Variants in CDH13 observed in about 807,000 individuals in gnomAD.
CDH13 encodes the protein cadherin-13.
Under a neutral mutation model 63.8 loss-of-function variants are expected in CDH13, and 24 were observed. The ratio of observed to expected loss-of-function variants is 0.38; its 90% CI spans 0.27 to 0.53. CDH13 has a LOEUF of 0.53. Ranked by LOEUF, CDH13 falls within the 20% of genes least tolerant of loss-of-function variation. The pLI, the probability that CDH13 is intolerant of heterozygous loss-of-function variation, is 0.85. For synonymous variants in CDH13, 503 were observed against 355.3 expected, an observed-to-expected ratio of 1.42 and a Z score of -4.67; for missense variants, 1,049 against 903.1, an observed-to-expected ratio of 1.16 and a Z score of -2.07.
intron 2 of CDH13, among the ~76,000 whole-genome samples, chr16:82,915,091 G>A (rs1597205441): frequency 6.6e-6 from 1 of 152,220 alleles, no homozygotes. Flanking sequence ...GTGATGAAAT[G>A]TAACCCTGAG....
chr16:82,858,460 G>C lies in CDH13; in HGVS notation c.144G>C (p.Gln48His), dbSNP rs749712663. Residue 48 changes from glutamine (Q) to histidine (H), a missense_variant, in exon 2 of 14, where the codon CAG becomes CAC. By Grantham distance (24) the Gln-to-His change is conservative (BLOSUM62 0). Coordinates refer to ENST00000567109, the MANE Select transcript of CDH13 (RefSeq NM_001257.5). Reference protein sequence around the residue: ...INQPAEFIEDQSILNLTFSDC... With the variant: ...INQPAEFIEDHSILNLTFSDC... ...AGCCAGCTGAATTCATTGAGGACCA[G>C]TCAATTCTAAACTGTAAGCAATGTC... 1 of 1,603,594 alleles carries C rather than the reference G, an allele frequency of 6.2e-7. No homozygotes were observed. The highest frequency in any genetic ancestry group is 1.1e-5 in the South Asian group (1 of 90,834).
At chr16:83,245,101 C>CT (rs1904857478) in intron 5 of CDH13, among the ~76,000 whole-genome samples, 1 of 144,636 alleles carries the variant, frequency 6.9e-6, no homozygotes, top group Admixed American at 6.8e-5. Flanking sequence ...TATGTTGGCT[C>CT]TTTTCTGGAT....
chr16:82,883,132 A>G (rs967641703), intron 2 of CDH13, among the ~76,000 whole-genome samples: 2 of 152,204 alleles, frequency 1.3e-5, no homozygotes, highest in African/African-American at 4.8e-5. Context: ...TAAATTCAGA[A>G]AGCATAAGAG....
intron 8 of CDH13, among the ~76,000 whole-genome samples, chr16:83,663,470 A>G (rs761047454): frequency 7.2e-5 from 11 of 152,214 alleles, no homozygotes; most frequent in African/African-American, 9.6e-5. Context: ...ACTGGTTACT[A>G]TTCTCATTGG....
intron 2 of CDH13, among the ~76,000 whole-genome samples, chr16:82,907,708 T>G (rs1272797622): frequency 6.6e-6 from 1 of 152,190 alleles, no homozygotes; most frequent in Non-Finnish European, 1.5e-5. Flanking sequence ...ACAGCCACTT[T>G]TGAGTCAAGT....
At chr16:83,600,344 C>A (rs1292759440) in intron 7 of CDH13, among the ~76,000 whole-genome samples, 1 of 152,178 alleles carries the variant, frequency 6.6e-6, no homozygotes, top group Non-Finnish European at 1.5e-5. Context: ...CCACTCATCA[C>A]CGTGAATTGA....
At chr16:83,579,456 A>G (rs1264817114) in intron 7 of CDH13, among the ~76,000 whole-genome samples, 1 of 152,110 alleles carries the variant, frequency 6.6e-6, no homozygotes, top group East Asian at 1.9e-4. Context: ...TATGTCTTAC[A>G]TTGCTGGAGA....
intron 2 of CDH13, among the ~76,000 whole-genome samples, chr16:82,976,558 G>T (rs2151378975): frequency 6.6e-6 from 1 of 152,236 alleles, no homozygotes; most frequent in Non-Finnish European, 1.5e-5. Flanking sequence ...ATGTGCATTA[G>T]ATAAATTATG....
Position 82,789,242 on chromosome 16 carries a change from G to A in CDH13, c.46-69120G>A, listed in dbSNP as rs9935262. Among the ~76,000 whole-genome samples, 144 of 152,298 alleles carry A rather than the reference G, an allele frequency of 9.5e-4. 2 individuals carry two copies. The highest frequency in any genetic ancestry group is 3.3e-3 in the African/African-American group (139 of 41,560). On this transcript the variant is annotated intron_variant, in intron 1 of 13. Transcript: ENST00000567109. ...TGATCACAGAAACTAGAGAAGTCACGAAGAGTAGGTGTTCCTCAGGTTAAT... is the reference window on the plus strand; with the variant it reads ...TGATCACAGAAACTAGAGAAGTCACAAAGAGTAGGTGTTCCTCAGGTTAAT...
chr16:83,012,110 A>G (rs1013811443), intron 2 of CDH13, among the ~76,000 whole-genome samples: 4 of 152,174 alleles, frequency 2.6e-5, no homozygotes, highest in Non-Finnish European at 1.5e-5. Context: ...CTGGCTTAAA[A>G]AACTTTAGGA....
At chr16:82,785,279 G>A (rs1597572615) in intron 1 of CDH13, among the ~76,000 whole-genome samples, 1 of 152,152 alleles carries the variant, frequency 6.6e-6, no homozygotes, top group South Asian at 2.1e-4. Context: ...AGGTATGCAG[G>A]CTTGGCACTT....
intron 8 of CDH13, among the ~76,000 whole-genome samples, chr16:83,612,877 A>G (rs866738137): frequency 6.6e-6 from 1 of 152,004 alleles, no homozygotes; most frequent in African/African-American, 2.4e-5. Flanking sequence ...TTTTCTACTT[A>G]TTTACCCTTT....
chr16:83,661,241 C>A (rs73248711), intron 8 of CDH13, among the ~76,000 whole-genome samples: 2 of 152,070 alleles, frequency 1.3e-5, no homozygotes, highest in African/African-American at 2.4e-5. Flanking sequence ...AATTGCAGCA[C>A]TTTGCGGGAC....
intron 4 of CDH13, among the ~76,000 whole-genome samples, chr16:83,189,766 G>C (rs2038639402): frequency 6.6e-6 from 1 of 152,142 alleles, no homozygotes; most frequent in African/African-American, 2.4e-5. Context: ...GGTGTGGTTT[G>C]GCTGTGTCCC....
At position 83,070,985 on chromosome 16, in the gene CDH13, C is replaced by T. The variant is rs533019326; in HGVS notation, c.366+38767C>T. ...ATGCCACATGAGGTCATGATAGCAC[C>T]GTCTTAACATGATGCACCTGAGTTC... is the stretch of plus-strand genomic sequence containing the variant. On this transcript the variant is annotated intron_variant, in intron 3 of 13. Transcript: ENST00000567109. 9.2e-5 allele frequency among the ~76,000 whole-genome samples: 14 copies of T among 151,848 alleles called. No individual in the cohort carries two copies. In the East Asian group the frequency reaches 1.9e-3, roughly 21 times the overall value.
chr16:82,728,662 G>A (rs1294847074), intron 1 of CDH13, among the ~76,000 whole-genome samples: 2 of 152,124 alleles, frequency 1.3e-5, no homozygotes, highest in Non-Finnish European at 2.9e-5. Flanking sequence ...GTTTCTGGCT[G>A]ATCAGGGTGG....
intron 6 of CDH13, among the ~76,000 whole-genome samples, chr16:83,347,527 T>C (rs1412535623): frequency 6.6e-6 from 1 of 152,198 alleles, no homozygotes. Context: ...TCAGGTATCA[T>C]AGCACTGCGT....
chr16:83,509,264 C>A (rs998614285), intron 7 of CDH13, among the ~76,000 whole-genome samples: 1 of 152,228 alleles, frequency 6.6e-6, no homozygotes, highest in African/African-American at 2.4e-5. Context: ...ATATGTGGAA[C>A]ATGCCATGGC....
intron 2 of CDH13, among the ~76,000 whole-genome samples, chr16:82,933,018 T>A (rs1413558419): frequency 6.6e-6 from 1 of 152,186 alleles, no homozygotes; most frequent in Non-Finnish European, 1.5e-5. Context: ...ATTTCATATT[T>A]TTTTATATTT....
Sources: gnomAD v4.1 joint callset for allele counts (sites outside exome capture counted in the v4.1 genomes callset) on GRCh38, gnomAD v4.1.1 for gene constraint, MANE v1.5 for transcripts, NCBI Gene and HGNC (gene_info 2026-07-23, HGNC 2026-07-21) for gene names.